The following AACS variants were observed in gnomAD, a reference collection of about 807,000 sequenced individuals.
The protein encoded by AACS is acetoacetyl-CoA synthetase.
AACS carries 69 observed loss-of-function variants against 83.1 expected under a neutral mutation model. That is an observed-to-expected ratio of 0.83 (90% CI 0.68 to 1.01). The LOEUF is 1.01. AACS is among the 50% of genes least tolerant of loss of function. The pLI is 0.00. For missense variants in AACS, 866 were observed against 882.2 expected, an observed-to-expected ratio of 0.98 and a Z score of 0.23; for synonymous variants, 333 against 343.4, an observed-to-expected ratio of 0.97 and a Z score of 0.33.
At chr12:125,112,531 T>A (rs2136107792) in intron 8 of AACS, among the ~76,000 whole-genome samples, 1 of 151,848 alleles carries the variant, frequency 6.6e-6, no homozygotes, top group South Asian at 2.1e-4. Context: ...CTAAAAAAAA[T>A]TAGCTGGGCA....
rs761881693 is a variant in AACS, at chr12:125,118,759, G to C, written c.1115G>C (p.Arg372Thr). The C allele has an allele frequency of 4.3e-6, 7 of 1,614,076 alleles. No homozygotes were observed. Among genetic ancestry groups the C allele is most frequent in the Non-Finnish European group, 5.9e-6 (7 of 1,179,970 alleles). Residue 372 changes from arginine to threonine, a missense_variant, in exon 10 of 18, where the codon AGG becomes ACG. By Grantham distance (71) the Arg-to-Thr change is moderately conservative. Transcript: ENST00000316519. ...TPNVLWDLVD[R>T]IGITVLVTGA... Reference sequence around the variant, plus strand: ...AATGTGCTCTGGGACCTGGTTGACAGGATAGGGTAGGTACCAAGATGCTGT... The same window carrying C: ...AATGTGCTCTGGGACCTGGTTGACACGATAGGGTAGGTACCAAGATGCTGT...
chr12:125,139,260 C>A (rs894500287), intron 17 of AACS: 4 of 152,306 alleles, frequency 2.6e-5, no homozygotes, highest in Non-Finnish European at 5.9e-5. Flanking sequence ...AGGAGCCCCT[C>A]ACTCACCCGC....
chr12:125,134,717 C>T, intron 15 of AACS, 77 bp from the exon 16 acceptor site: 1 of 1,528,494 alleles, frequency 6.5e-7, no homozygotes. Flanking sequence ...TGGGGGGTGA[C>T]TGCCCTCCCG....
chr12:125,102,628 T>C (rs1237918741), intron 5 of AACS, 51 bp from the exon 6 acceptor site: 10 of 1,538,240 alleles, frequency 6.5e-6, no homozygotes, highest in Non-Finnish European at 7.2e-6. Context: ...CCATGCCTGC[T>C]GGTTTTTGCC....
At chr12:125,092,248 A>G (rs1956501742) in intron 5 of AACS, among the ~76,000 whole-genome samples, 1 of 152,208 alleles carries the variant, frequency 6.6e-6, no homozygotes, top group South Asian at 2.1e-4. Flanking sequence ...GACATGCAGC[A>G]TCCGTGTCCC....
intron 7 of AACS, among the ~76,000 whole-genome samples, chr12:125,106,019 C>T (rs749156333): frequency 6.6e-6 from 1 of 152,136 alleles, no homozygotes; most frequent in Non-Finnish European, 1.5e-5. Context: ...TTTGGATGCC[C>T]TTTTTAAACC....
intron 10 of AACS, chr12:125,120,026 C>T (rs1440388118): frequency 6.6e-6 from 1 of 152,232 alleles, no homozygotes; most frequent in Non-Finnish European, 1.5e-5. Flanking sequence ...TCATTTATTT[C>T]CTGTGGCCCT....
chr12:125,140,946 T>G lies in AACS; in HGVS notation c.1882-1146T>G, dbSNP rs559976377. 6.6e-6 allele frequency: 1 copy of G among 152,296 alleles called. No individual in the cohort carries two copies. The highest frequency in any genetic ancestry group is 2.4e-5 in the African/African-American group (1 of 41,562). 9.4% of individuals were successfully genotyped at this position (152,296 alleles called of 1,614,324 possible). A position where few individuals can be genotyped will look rare whatever the true frequency, so the allele number is the denominator to read the frequency against. On this transcript the variant is annotated intron_variant, in intron 17 of 17. Coordinates refer to ENST00000316519, the MANE Select transcript of AACS (RefSeq NM_023928.5). This position sits in a 1 kb window ranked among gnomAD's most constrained non-coding sequence, Gnocchi z 5.1. ...TCATAGAATAACGTGATAAAATATA[T>G]AGAGAAGTAAAAAAGTATAAATAAA...
rs1031135188 is a variant in AACS at position 125,140,635 on chromosome 12, C to T, written c.1882-1457C>T. 4 of 151,696 alleles carry T rather than the reference C, an allele frequency of 2.6e-5. No individual in the cohort carries two copies. Among genetic ancestry groups the T allele is most frequent in the African/African-American group, 4.8e-5 (2 of 41,304 alleles). The allele number at this position is 151,696 out of a possible 1,614,324, so 9.4% of individuals were successfully genotyped here. On this transcript the variant is annotated intron_variant, in intron 17 of 17. Coordinates refer to ENST00000316519, the MANE Select transcript of AACS (RefSeq NM_023928.5). This position sits in a 1 kb window ranked among gnomAD's most constrained non-coding sequence, Gnocchi z 5.1. Reference sequence around the variant, plus strand: ...AAAAAAAAAAAAAGGCGCCAGTGATCGAGGACTCGTCACTGGGCTCTGTTG... The same window carrying T: ...AAAAAAAAAAAAAGGCGCCAGTGATTGAGGACTCGTCACTGGGCTCTGTTG...
rs1956478811 is a variant in AACS, at chr12:125,091,280, G to GCAGCA, written c.473-146_473-145insCAGCA. ...CAGGCTGGCAGCAGGCGATTCATCT[G>GCAGCA]GGCGGGGGCTGGTGGTCAGGATCCT... is the stretch of plus-strand genomic sequence containing the variant. On this transcript the variant is annotated intron_variant, in intron 4 of 17. Coordinates refer to ENST00000316519, the MANE Select transcript of AACS (RefSeq NM_023928.5). 3.9e-5 allele frequency: 28 copies of GCAGCA among 719,950 alleles called. 1 individual carries two copies. The South Asian group carries it at 4.6e-4, about 12-fold the overall frequency. The allele number at this position is 719,950 out of a possible 1,614,324, so 44.6% of individuals were successfully genotyped here.
chr12:125,099,753 GCA>G (rs1423796320), intron 5 of AACS, among the ~76,000 whole-genome samples: 7 of 152,188 alleles, frequency 4.6e-5, no homozygotes, highest in Non-Finnish European at 1.0e-4. Context: ...TCAGCTCACT[GCA>G]ACCTCTGCCT....
intron 1 of AACS, among the ~76,000 whole-genome samples, chr12:125,068,577 G>A (rs1029610353): frequency 2.0e-5 from 3 of 152,210 alleles, no homozygotes; most frequent in Non-Finnish European, 4.4e-5. Context: ...GGAGCTGAGT[G>A]AGGCCCCTCC....
intron 12 of AACS, chr12:125,127,441 T>TTTTG (rs766883197): frequency 2.6e-5 from 4 of 152,098 alleles, no homozygotes; most frequent in East Asian, 1.9e-4. Context: ...GAACTTTTTG[T>TTTTG]TTTGTTTGTT....
chr12:125,078,607 AG>A (rs1218772332), intron 3 of AACS, among the ~76,000 whole-genome samples: 1 of 152,106 alleles, frequency 6.6e-6, no homozygotes, highest in African/African-American at 2.4e-5. Flanking sequence ...GATCACCTGA[AG>A]TCAGGAGTTC....
chr12:125,083,576 A>C (rs2136060466), intron 3 of AACS, among the ~76,000 whole-genome samples: 1 of 152,066 alleles, frequency 6.6e-6, no homozygotes, highest in East Asian at 1.9e-4. Flanking sequence ...GTACTATCAA[A>C]GTTTTTGACA....
At chr12:125,076,170 G>A in intron 2 of AACS, among the ~76,000 whole-genome samples, 1 of 152,206 alleles carries the variant, frequency 6.6e-6, no homozygotes, top group East Asian at 1.9e-4. Context: ...CCATGCGTCT[G>A]GGCAGAGCCT....
At chr12:125,102,877 GTCTCTGCCCCAGATTGTGTTATAT>G (rs1231139162) in intron 6 of AACS, 84 bp downstream of exon 6, 16 of 1,434,808 alleles carry the variant, frequency 1.1e-5, no homozygotes, top group East Asian at 4.6e-5. Context: ...AATCTGGGTA[GTCTCTGCCCCAGATTGTGTTATAT>G]TCTCTGCCCC....
chr12:125,085,612 A>C (rs995945021), intron 3 of AACS, among the ~76,000 whole-genome samples: 1 of 152,228 alleles, frequency 6.6e-6, no homozygotes, highest in Non-Finnish European at 1.5e-5. Flanking sequence ...ACACACATGC[A>C]TGTTGCATCC....
intron 5 of AACS, among the ~76,000 whole-genome samples, chr12:125,100,585 A>C (rs1462169979): frequency 6.6e-6 from 1 of 152,222 alleles, no homozygotes; most frequent in Non-Finnish European, 1.5e-5. Flanking sequence ...TAGTTGGGGA[A>C]ATTGGACAGT....
Sources: gnomAD v4.1 joint callset for allele counts (sites outside exome capture counted in the v4.1 genomes callset) on GRCh38, gnomAD v4.1.1 for gene constraint, Gnocchi (gnomAD v3.1) non-coding constraint, MANE v1.5 for transcripts, NCBI Gene and HGNC (gene_info 2026-07-23, HGNC 2026-07-21) for gene names.